GALNT10: variants seen among roughly 807,000 people sequenced by gnomAD.
GALNT10 encodes polypeptide N-acetylgalactosaminyltransferase 10.
A neutral mutation model predicts 75.0 loss-of-function variants in GALNT10; 41 were observed. That is an observed-to-expected ratio of 0.55 (90% CI 0.43 to 0.71). GALNT10 has a LOEUF of 0.71. Among genes scored for constraint, GALNT10 ranks in the 30% least tolerant of loss-of-function variants. The pLI, the probability that GALNT10 is intolerant of heterozygous loss-of-function variation, is 0.00. For missense variants in GALNT10, 727 were observed against 818.5 expected (o/e 0.89, Z 1.36); for synonymous variants, 302 against 313.0 (o/e 0.96, Z 0.37).
chr5:154,357,160 A>G (rs926353590), intron 4 of GALNT10, among the ~76,000 whole-genome samples: 15 of 152,194 alleles, frequency 9.9e-5, no homozygotes, highest in African/African-American at 3.4e-4. Context: ...CCAAGTGAGC[A>G]AATTTTGGTA....
intron 1 of GALNT10, among the ~76,000 whole-genome samples, chr5:154,278,858 TG>T (rs1753993455): frequency 6.6e-6 from 1 of 152,224 alleles, no homozygotes; most frequent in African/African-American, 2.4e-5. Flanking sequence ...CTATCCATGT[TG>T]TAGTAGATAT....
intron 1 of GALNT10, among the ~76,000 whole-genome samples, chr5:154,249,429 C>T (rs1212826990): frequency 6.6e-6 from 1 of 152,112 alleles, no homozygotes; most frequent in Non-Finnish European, 1.5e-5. Flanking sequence ...CAGTCCAAGG[C>T]AGACAGCATA....
chr5:154,303,155 T>C (rs1754385052), intron 3 of GALNT10, among the ~76,000 whole-genome samples: 1 of 152,174 alleles, frequency 6.6e-6, no homozygotes. Context: ...CACTGGTTTT[T>C]AAGACACTGG....
intron 10 of GALNT10, among the ~76,000 whole-genome samples, chr5:154,414,551 A>G (rs921155877): frequency 6.6e-6 from 1 of 152,210 alleles, no homozygotes; most frequent in African/African-American, 2.4e-5. Context: ...AGAAACAGAA[A>G]GCAGATCAGT....
At chr5:154,355,968 G>A (rs1755284229) in intron 4 of GALNT10, among the ~76,000 whole-genome samples, 2 of 152,252 alleles carry the variant, frequency 1.3e-5, no homozygotes, top group East Asian at 3.9e-4. Context: ...CCTCTTCCAG[G>A]TCATAGACCG....
chr5:154,406,800 G>A (rs1756291211), intron 8 of GALNT10, among the ~76,000 whole-genome samples: 1 of 152,060 alleles, frequency 6.6e-6, no homozygotes. Context: ...CCATCTTGGG[G>A]GGAAAAAAAG....
At chr5:154,342,417 G>A (rs761775790) in intron 4 of GALNT10, among the ~76,000 whole-genome samples, 7 of 152,176 alleles carry the variant, frequency 4.6e-5, no homozygotes, top group Admixed American at 2.0e-4. Flanking sequence ...TATCAGCATC[G>A]ACTGAAGAGC....
chr5:154,286,916 C>A (rs1335921578), intron 1 of GALNT10, among the ~76,000 whole-genome samples: 1 of 152,168 alleles, frequency 6.6e-6, no homozygotes, highest in African/African-American at 2.4e-5. Flanking sequence ...TGATTGTTTT[C>A]TCATACAGCT....
intron 3 of GALNT10, among the ~76,000 whole-genome samples, chr5:154,300,154 T>C (rs2113081505): frequency 6.6e-6 from 1 of 152,272 alleles, no homozygotes; most frequent in South Asian, 2.1e-4. Flanking sequence ...GATTTTTTCA[T>C]GTAAGTCTAG....
intron 1 of GALNT10, among the ~76,000 whole-genome samples, chr5:154,284,223 G>A (rs1161537776): frequency 6.6e-6 from 1 of 152,112 alleles, no homozygotes; most frequent in Admixed American, 6.6e-5. Context: ...TTTTACAGTT[G>A]GGAAACCAAG....
At chr5:154,258,738 G>A (rs1007842323) in intron 1 of GALNT10, among the ~76,000 whole-genome samples, 1 of 152,026 alleles carries the variant, frequency 6.6e-6, no homozygotes, top group South Asian at 2.1e-4. Flanking sequence ...GGGTATTATG[G>A]CCTGGCTATT....
At chr5:154,331,065 T>A in intron 4 of GALNT10, among the ~76,000 whole-genome samples, 1 of 152,076 alleles carries the variant, frequency 6.6e-6, no homozygotes, top group Non-Finnish European at 1.5e-5. Context: ...TTATCACAGG[T>A]GGAATTAAAA....
intron 1 of GALNT10, among the ~76,000 whole-genome samples, chr5:154,225,759 T>C (rs114597906): frequency 1.5e-3 from 224 of 152,358 alleles, no homozygotes; most frequent in African/African-American, 5.1e-3. Flanking sequence ...GATTTTCTTT[T>C]TGTCTTACCT....
At chr5:154,415,211 T>C (rs1407079838) in intron 10 of GALNT10, among the ~76,000 whole-genome samples, 1 of 152,252 alleles carries the variant, frequency 6.6e-6, no homozygotes, top group Non-Finnish European at 1.5e-5. Flanking sequence ...TACTTTTAGA[T>C]GTTATAATGG....
At chr5:154,367,574 G>T (rs1326540999) in intron 4 of GALNT10, among the ~76,000 whole-genome samples, 1 of 152,158 alleles carries the variant, frequency 6.6e-6, no homozygotes, top group South Asian at 2.1e-4. Flanking sequence ...TTCAGTTTTG[G>T]CCAGGCACAG....
At chr5:154,400,500 C>G (rs933817089) in intron 7 of GALNT10, among the ~76,000 whole-genome samples, 6 of 152,186 alleles carry the variant, frequency 3.9e-5, no homozygotes, top group African/African-American at 1.4e-4. Context: ...GTTGGGTGCT[C>G]CAGCTGGCCA....
At chr5:154,303,085 TC>T (rs1316957613) in intron 3 of GALNT10, among the ~76,000 whole-genome samples, 3 of 151,980 alleles carry the variant, frequency 2.0e-5, no homozygotes, top group Non-Finnish European at 4.4e-5. Context: ...AGATAAGTTT[TC>T]CCTTCTGCCT....
intron 1 of GALNT10, among the ~76,000 whole-genome samples, chr5:154,254,125 C>T (rs143125840): frequency 1.4e-3 from 218 of 152,286 alleles, no homozygotes; most frequent in African/African-American, 5.2e-3. Context: ...TTCCTATTTC[C>T]TCCCACACAG....
chr5:154,375,633 G>A (rs1255515389), intron 4 of GALNT10, among the ~76,000 whole-genome samples: 1 of 152,146 alleles, frequency 6.6e-6, no homozygotes, highest in Non-Finnish European at 1.5e-5. Flanking sequence ...TATTTTTACA[G>A]GTTGGCTTCA....
Sources: allele counts gnomAD v4.1 joint callset (sites outside exome capture counted in the v4.1 genomes callset), GRCh38; gene constraint gnomAD v4.1.1; transcripts MANE v1.5; gene names NCBI Gene and HGNC (gene_info 2026-07-23, HGNC 2026-07-21).